DYNC2H1: variants seen among roughly 807,000 people sequenced by gnomAD.
The protein encoded by DYNC2H1 is cytoplasmic dynein 2 heavy chain 1.
In DYNC2H1, 410 loss-of-function variants were observed where a neutral mutation model predicts 570.0. The ratio of observed to expected loss-of-function variants is 0.72; its 90% CI spans 0.66 to 0.78. The LOEUF (loss-of-function observed/expected upper bound fraction) is 0.78. Among genes scored for constraint, DYNC2H1 ranks in the 30% least tolerant of loss-of-function variants. The probability of loss-of-function intolerance (pLI) is 0.00; values close to 1 mark genes in which losing one functional copy is unlikely to be tolerated. For synonymous variants in DYNC2H1, 1,688 were observed against 1,677.6 expected (o/e 1.01, Z -0.15); for missense variants, 4,865 against 5,046.4 (o/e 0.96, Z 1.09).
At chr11:103,342,988 A>C (rs558998901) in intron 82 of DYNC2H1, among the ~76,000 whole-genome samples, 12 of 152,052 alleles carry the variant, frequency 7.9e-5, no homozygotes, top group Non-Finnish European at 1.8e-4. Context: ...GGGGCTAAAC[A>C]CTGGGCACCC....
intron 40 of DYNC2H1, among the ~76,000 whole-genome samples, chr11:103,184,020 T>C (rs1861963747): frequency 6.6e-6 from 1 of 152,026 alleles, no homozygotes; most frequent in Admixed American, 6.6e-5. Flanking sequence ...GCATAACTTC[T>C]TTTAATTCCT....
Position 103,241,290 on chromosome 11 carries a change from TGAGTA to T in DYNC2H1, c.9820-2402_9820-2398del. ...TATAGTAGATGAAGTAACGAACAAA[TGAGTA>T]AATAAATGAAAGCTCAACATTTTTG... is the stretch of plus-strand genomic sequence containing the variant. On this transcript the variant is annotated intron_variant, in intron 63 of 88. Transcript: ENST00000375735. The surrounding 1 kb of genome is among the most constrained non-coding windows in gnomAD (Gnocchi z 5.1). 6.6e-6 allele frequency among the ~76,000 whole-genome samples: 1 copy of T among 152,300 alleles called. No individual in the cohort carries two copies. The highest frequency in any genetic ancestry group is 2.1e-4 in the South Asian group (1 of 4,826).
chr11:103,280,354 C>A lies in DYNC2H1; in HGVS notation c.10702C>A (p.Gln3568Lys). 6.4e-7 allele frequency: 1 copy of A among 1,554,636 alleles called. No homozygotes were observed. The highest frequency in any genetic ancestry group is 2.4e-5 in the East Asian group (1 of 41,654). The stretch of plus-strand genomic sequence containing the variant: ...TATCTGTTATTCTTTGCAGGCTGAT[C>A]AGTTGATGTTCGCTTTGCATTTTGT... ...YICRCLFKAD[Q>K]LMFALHFVRG... Residue 3568 changes from glutamine to lysine, a missense_variant, in exon 71 of 89, where the codon CAG becomes AAG. By Grantham distance (53) the Gln-to-Lys change is moderately conservative. Around this residue, in one of 5 missense-constraint regions of DYNC2H1, gnomAD observed 2,401 missense variants for 2,454.6 expected, o/e 0.98. Transcript: ENST00000375735. The surrounding 1 kb of genome is among the most constrained non-coding windows in gnomAD (Gnocchi z 4.7).
At chr11:103,390,612 G>A (rs1351345161) in intron 83 of DYNC2H1, among the ~76,000 whole-genome samples, 1 of 152,168 alleles carries the variant, frequency 6.6e-6, no homozygotes, top group Non-Finnish European at 1.5e-5. Context: ...TTACAATTTG[G>A]CATGTTTTTG....
Position 103,399,888 on chromosome 11 carries a change from C to T in DYNC2H1, c.12366+16C>T, listed in dbSNP as rs774196479. ...AAACCAAAAGGTAAGCGAGTACTAA[C>T]TGTATGTATTTTTATTTCATTGTTA... On this transcript the variant is annotated intron_variant, in intron 84 of 88. Coordinates refer to ENST00000375735, the MANE Select transcript of DYNC2H1 (RefSeq NM_001377.3). The T allele has an allele frequency of 9.4e-6, 15 of 1,593,340 alleles. No individual in the cohort carries two copies. The South Asian group carries it at 1.6e-4, about 17-fold the overall frequency.
intron 84 of DYNC2H1, chr11:103,406,938 T>G (rs1022677615): frequency 1.3e-5 from 2 of 151,916 alleles, no homozygotes; most frequent in Non-Finnish European, 2.9e-5. Flanking sequence ...CTAGTTTTAT[T>G]ACTAGGGCTA....
chr11:103,434,652 A>C (rs1944000035), intron 84 of DYNC2H1, among the ~76,000 whole-genome samples: 1 of 152,024 alleles, frequency 6.6e-6, no homozygotes, highest in Non-Finnish European at 1.5e-5. Flanking sequence ...ATCTCACCAA[A>C]ACTTACTGGC....
At chr11:103,309,166 C>CTTTTTTTTT (rs1274431520) in intron 78 of DYNC2H1, among the ~76,000 whole-genome samples, 3 of 56,536 alleles carry the variant, frequency 5.3e-5, no homozygotes, top group Non-Finnish European at 7.9e-5. Context: ...TAACTGCATG[C>CTTTTTTTTT]TATTTTTTTT....
Position 103,152,981 on chromosome 11 carries a change from T to C in DYNC2H1, c.3097-322T>C, listed in dbSNP as rs114645258. ...GCAGCTATATACTCAGGTAGAACAA[T>C]CAGCAGTCATCAAACAAACATTTTA... On this transcript the variant is annotated intron_variant, in intron 21 of 88. Coordinates refer to ENST00000375735, the MANE Select transcript of DYNC2H1 (RefSeq NM_001377.3). Among the ~76,000 whole-genome samples, 500 of 152,300 alleles carry C rather than the reference T, an allele frequency of 3.3e-3. 3 individuals carry two copies. Among genetic ancestry groups the C allele is most frequent in the African/African-American group, 0.011 (464 of 41,574 alleles).
In DYNC2H1 at chr11:103,116,249, A is replaced by G. The variant is rs1241492539; in HGVS notation, c.622-321A>G. ...TAAAGACATGCGAACTACAGTGGGT[A>G]GTGTATATGTGGAGTTGAGATAACC... is the stretch of plus-strand genomic sequence containing the variant. On this transcript the variant is annotated intron_variant, in intron 4 of 88. Transcript: ENST00000375735. Among the ~76,000 whole-genome samples the G allele has an allele frequency of 2.0e-5, 3 of 152,184 alleles. No individual in the cohort carries two copies. In the East Asian group the frequency reaches 5.8e-4, roughly 29 times the overall value.
chr11:103,353,213 G>A (rs533475837), intron 82 of DYNC2H1, among the ~76,000 whole-genome samples: 48 of 152,300 alleles, frequency 3.2e-4, no homozygotes, highest in Non-Finnish European at 5.4e-4. Context: ...TAGGTAATGC[G>A]TTGATAGGTG....
chr11:103,123,538 G>A (rs147307359), intron 11 of DYNC2H1, among the ~76,000 whole-genome samples: 3 of 152,116 alleles, frequency 2.0e-5, no homozygotes, highest in East Asian at 3.9e-4. Flanking sequence ...GAAACTGAAC[G>A]GTGTTAGGGC....
intron 84 of DYNC2H1, among the ~76,000 whole-genome samples, chr11:103,401,072 A>G (rs1942620392): frequency 6.6e-6 from 1 of 152,184 alleles, no homozygotes; most frequent in Non-Finnish European, 1.5e-5. Context: ...TAAACTTTCT[A>G]AAAACTTTAT....
chr11:103,388,530 C>G (rs1413956271), intron 83 of DYNC2H1, among the ~76,000 whole-genome samples: 1 of 152,136 alleles, frequency 6.6e-6, no homozygotes, highest in African/African-American at 2.4e-5. Flanking sequence ...GCCAGAACTT[C>G]CAACATTATG....
Position 103,326,602 on chromosome 11 carries a change from C to T in DYNC2H1, c.12039+2612C>T, listed in dbSNP as rs1226981440. On this transcript the variant is annotated intron_variant, in intron 82 of 88. Transcript: ENST00000375735. This position sits in a 1 kb window ranked among gnomAD's most constrained non-coding sequence, Gnocchi z 6.1. ...CCCTTGGCTTGGGGTCAGACTCTGG[C>T]AGCACTGGGGGATCTGAAGTGCCCC... 1.3e-5 allele frequency among the ~76,000 whole-genome samples: 2 copies of T among 152,204 alleles called. No individual in the cohort carries two copies. Among genetic ancestry groups the T allele is most frequent in the Non-Finnish European group, 2.9e-5 (2 of 68,042 alleles).
At chr11:103,153,271 CATTAA>C in intron 21 of DYNC2H1, 27 bp from the exon 22 acceptor site, 1 of 1,486,362 alleles carries the variant, frequency 6.7e-7, no homozygotes, top group Non-Finnish European at 8.9e-7. Context: ...TTTTACTCTG[CATTAA>C]ATTATTTAAA....
At position 103,170,256 on chromosome 11, in the gene DYNC2H1, T is replaced by C; in HGVS notation, c.5117T>C (p.Leu1706Pro). ...TCAGTAAAGGCTTTAGGTGGACTTC[T>C]TGGAAGACAAGTTTTAGTCTTTAAT... ...TESVKALGGL[L>P]GRQVLVFNCD... The change falls in exon 33 of 89, where the codon CTT becomes CCT. Residue 1706 changes from leucine (L) to proline (P), a missense_variant. By Grantham distance (98) the Leu-to-Pro change is moderately conservative. Transcript: ENST00000375735. This position sits in a 1 kb window ranked among gnomAD's most constrained non-coding sequence, Gnocchi z 4.8. The C allele has an allele frequency of 5.0e-6, 8 of 1,605,412 alleles. No homozygotes were observed. Among genetic ancestry groups the C allele is most frequent in the Non-Finnish European group, 6.8e-6 (8 of 1,176,530 alleles).
intron 87 of DYNC2H1, among the ~76,000 whole-genome samples, chr11:103,468,117 C>A (rs11225814): frequency 0.4 from 60,341 of 152,064 alleles, 13,284 homozygotes; most frequent in Non-Finnish European, 0.51. Flanking sequence ...TGAATTCTTT[C>A]TTCTCTTTAA....
intron 83 of DYNC2H1, among the ~76,000 whole-genome samples, chr11:103,399,130 C>A (rs1369012107): frequency 6.7e-6 from 1 of 149,088 alleles, no homozygotes; most frequent in Non-Finnish European, 1.5e-5. Context: ...ATTCTCATTT[C>A]CCACACCGTT....
Sources: gnomAD v4.1 joint callset for allele counts (sites outside exome capture counted in the v4.1 genomes callset) on GRCh38, gnomAD v4.1.1 for gene constraint, gnomAD v4.1.1 regional missense constraint, Gnocchi (gnomAD v3.1) non-coding constraint, MANE v1.5 for transcripts, NCBI Gene and HGNC (gene_info 2026-07-23, HGNC 2026-07-21) for gene names.